Variants in MTR observed in about 807,000 individuals in gnomAD.
MTR encodes the protein 5-methyltetrahydrofolate-homocysteine methyltransferase, also known as methionine synthase.
In MTR, 84 loss-of-function variants were observed where a neutral mutation model predicts 154.8. The ratio of observed to expected loss-of-function variants is 0.54; its 90% CI spans 0.45 to 0.65. MTR has a LOEUF of 0.65. Ranked by LOEUF, MTR falls within the 30% of genes least tolerant of loss-of-function variation. The pLI is 0.00. For missense variants in MTR, 1,275 were observed against 1,570.2 expected (o/e 0.81, Z 3.18); for synonymous variants, 554 against 553.9 (o/e 1.00, Z 0.00).
rs759636736 is a variant in MTR at position 236,832,018 on chromosome 1, G to A, written c.1128G>A (p.Glu376=). 19 of 1,614,054 alleles carry A rather than the reference G, an allele frequency of 1.2e-5. No homozygotes were observed. In the Admixed American group the frequency reaches 1.7e-4, roughly 14 times the overall value. The change falls in exon 13 of 33, where the codon GAG becomes GAA. Residue 376 remains glutamate, a synonymous_variant. Coordinates refer to ENST00000366577, the MANE Select transcript of MTR (RefSeq NM_000254.3). ...ACACCAACTTTGTTAACATTGGAGA[G>A]CGCTGTAATGTTGCAGGATCAAGGA... ...GPYTNFVNIG[E]RCNVAGSRKF...
rs778432496 is a variant in MTR at position 236,895,467 on chromosome 1, G to A, written c.3515G>A (p.Arg1172His). ...CGCAGGCTGCGGTACAAGGGCATCC[G>A]CCCGGCTCCTGGCTACCCCAGCCAG... is the stretch of plus-strand genomic sequence containing the variant. ...DLRRLRYKGI[R>H]PAPGYPSQPD... Residue 1172 changes from arginine (R) to histidine (H), a missense_variant, in exon 31 of 33, where the codon CGC becomes CAC. Physicochemically the swap from Arg to His is conservative, Grantham distance 29 (BLOSUM62 0). Transcript: ENST00000366577. The A allele has an allele frequency of 1.9e-6, 3 of 1,597,790 alleles. No individual in the cohort carries two copies. The highest frequency in any genetic ancestry group is 2.3e-5 in the East Asian group (1 of 44,164).
intron 3 of MTR, among the ~76,000 whole-genome samples, chr1:236,807,375 T>C (rs1661044643): frequency 6.6e-6 from 1 of 152,174 alleles, no homozygotes; most frequent in African/African-American, 2.4e-5. Context: ...GGTTTTGCCA[T>C]GTTGCCCAGG....
Position 236,894,340 on chromosome 1 carries a change from C to T in MTR, c.3205-17C>T. On this transcript the variant is annotated splice_polypyrimidine_tract_variant and intron_variant, in intron 29 of 32. Transcript: ENST00000366577. ...CTAACGGCGCCCCCGCACACTCCTA[C>T]ACTCCTTGGTTTTAAGGCTGAGAAG... The T allele has an allele frequency of 1.9e-6, 3 of 1,614,086 alleles. No homozygotes were observed. Among genetic ancestry groups the T allele is most frequent in the Non-Finnish European group, 2.5e-6 (3 of 1,179,914 alleles).
At chr1:236,839,279 T>C (rs1663092320) in intron 15 of MTR, among the ~76,000 whole-genome samples, 1 of 152,194 alleles carries the variant, frequency 6.6e-6, no homozygotes, top group Admixed American at 6.5e-5. Context: ...ACATGAATAA[T>C]AGCAGTGGGT....
At chr1:236,852,478 G>T (rs777372722) in intron 16 of MTR, 43 bp from the exon 17 acceptor site, 16 of 1,453,654 alleles carry the variant, frequency 1.1e-5, no homozygotes, top group Non-Finnish European at 1.4e-5. Flanking sequence ...TGCTGTTTTT[G>T]GCAAAAAAGG....
At chr1:236,804,516 T>C (rs16834406) in intron 2 of MTR, among the ~76,000 whole-genome samples, 1 of 152,192 alleles carries the variant, frequency 6.6e-6, no homozygotes, top group Admixed American at 6.5e-5. Flanking sequence ...CATTTTTTAC[T>C]TATATACCAT....
At chr1:236,850,231 A>C in intron 15 of MTR, 113 bp from the exon 16 acceptor site, 3 of 674,248 alleles carry the variant, frequency 4.4e-6, no homozygotes, top group Non-Finnish European at 6.2e-6. Flanking sequence ...AATGTATAAC[A>C]CTTAATATTT....
At chr1:236,857,694 AG>A (rs1223726670) in intron 18 of MTR, among the ~76,000 whole-genome samples, 2 of 152,258 alleles carry the variant, frequency 1.3e-5, no homozygotes, top group Admixed American at 6.5e-5. Flanking sequence ...GAGAGCCTAC[AG>A]CTCAGTGATA....
chr1:236,866,669 G>A (rs1344779710), intron 22 of MTR, among the ~76,000 whole-genome samples: 1 of 152,190 alleles, frequency 6.6e-6, no homozygotes, highest in Non-Finnish European at 1.5e-5. Flanking sequence ...CAAAAGAAAA[G>A]TTCTTAAAGG....
chr1:236,864,875 T>C lies in MTR; in HGVS notation c.2405+1321T>C, dbSNP rs145932893. 6.2e-3 allele frequency among the ~76,000 whole-genome samples: 938 copies of C among 152,344 alleles called. 7 individuals carry two copies. The highest frequency in any genetic ancestry group is 9.6e-3 in the Non-Finnish European group (656 of 68,036). On this transcript the variant is annotated intron_variant, in intron 22 of 32. Transcript: ENST00000366577. ...GTTGACTTTTCTCCTTGAAAAAGTT[T>C]ACTGTTTCTCAGGCTAAATAGCCAG...
chr1:236,903,875 TAAAAG>T lies in MTR; in HGVS notation c.*6241_*6245del, dbSNP rs757581995. On this transcript the variant is annotated 3_prime_UTR_variant, in exon 33 of 33. Coordinates refer to ENST00000366577, the MANE Select transcript of MTR (RefSeq NM_000254.3). ...TCATGTGACATTGTTTATCTTGGATTAAAAGAAAAGAAAATGTATTTATTTTGTGC... is the reference window on the plus strand; with the variant it reads ...TCATGTGACATTGTTTATCTTGGATTAAAAGAAAATGTATTTATTTTGTGC... 7.2e-5 allele frequency: 11 copies of T among 152,194 alleles called. No individual in the cohort carries two copies. Among genetic ancestry groups the T allele is most frequent in the Non-Finnish European group, 1.3e-4 (9 of 68,030 alleles). The allele number at this position is 152,194 out of a possible 1,614,324, so 9.4% of individuals were successfully genotyped here.
chr1:236,842,831 A>G (rs1234308002), intron 15 of MTR, among the ~76,000 whole-genome samples: 4 of 151,124 alleles, frequency 2.6e-5, no homozygotes, highest in Non-Finnish European at 5.9e-5. Flanking sequence ...CACACCTGTA[A>G]TCCCAACACT....
intron 1 of MTR, among the ~76,000 whole-genome samples, chr1:236,796,115 C>T (rs1660373654): frequency 1.3e-5 from 2 of 152,070 alleles, no homozygotes; most frequent in South Asian, 2.1e-4. Context: ...GTATTGCGCA[C>T]CTACTGCGAA....
intron 27 of MTR, among the ~76,000 whole-genome samples, chr1:236,887,593 G>GA (rs1033783970): frequency 1.1e-4 from 17 of 152,306 alleles, no homozygotes; most frequent in African/African-American, 3.6e-4. Context: ...TATTTTGCTG[G>GA]AAATACCCTC....
intron 22 of MTR, among the ~76,000 whole-genome samples, chr1:236,872,365 C>G (rs1665183049): frequency 6.6e-6 from 1 of 152,090 alleles, no homozygotes; most frequent in East Asian, 1.9e-4. Flanking sequence ...CCTCGGTGAC[C>G]TGCACCCTGA....
At chr1:236,845,941 A>G (rs1319744247) in intron 15 of MTR, among the ~76,000 whole-genome samples, 6 of 152,182 alleles carry the variant, frequency 3.9e-5, no homozygotes, top group African/African-American at 1.4e-4. Flanking sequence ...TATAGGGGAA[A>G]AAAACAACTC....
rs58649523 is a variant in MTR, at chr1:236,870,761, A to T, written c.2406-3012A>T. Among the ~76,000 whole-genome samples the T allele has an allele frequency of 5.3e-3, 809 of 152,298 alleles. 11 individuals carry two copies. Among genetic ancestry groups the T allele is most frequent in the African/African-American group, 0.018 (758 of 41,556 alleles). On this transcript the variant is annotated intron_variant, in intron 22 of 32. Coordinates refer to ENST00000366577, the MANE Select transcript of MTR (RefSeq NM_000254.3). Reference sequence around the variant, plus strand: ...GGATATCTAAAGAAATCTCAAATTTAATATTTTGAAAACTGAACTAATTGC... The same window carrying T: ...GGATATCTAAAGAAATCTCAAATTTTATATTTTGAAAACTGAACTAATTGC...
rs1572331563 is a variant in MTR, at chr1:236,885,322, G to T, written c.2775+103G>T. 4 of 764,186 alleles carry T rather than the reference G, an allele frequency of 5.2e-6. No individual in the cohort carries two copies. In the East Asian group the frequency reaches 1.1e-4, roughly 20 times the overall value. The allele number at this position is 764,186 out of a possible 1,614,324, so 47.3% of individuals were successfully genotyped here. A position where few individuals can be genotyped will look rare whatever the true frequency, so the allele number is the denominator to read the frequency against. ...AAAATGGTTTTGAGGAGTGTAAAAG[G>T]CTTTGGATCATTTTAGAGAATTTCT... On this transcript the variant is annotated intron_variant, in intron 26 of 32. Transcript: ENST00000366577.
chr1:236,856,881 A>G (rs1341663801), intron 18 of MTR, among the ~76,000 whole-genome samples: 2 of 152,106 alleles, frequency 1.3e-5, no homozygotes, highest in Non-Finnish European at 2.9e-5. Flanking sequence ...TTATGGCTTC[A>G]TAGTATTCCA....
Sources: allele counts gnomAD v4.1 joint callset (sites outside exome capture counted in the v4.1 genomes callset), GRCh38; gene constraint gnomAD v4.1.1; transcripts MANE v1.5; gene names NCBI Gene and HGNC (gene_info 2026-07-23, HGNC 2026-07-21).